The following SELENOF variants were observed in gnomAD, a reference collection of about 807,000 sequenced individuals.
SELENOF encodes the protein 15 kDa selenoprotein.
SELENOF carries 16 observed loss-of-function variants against 20.5 expected under a neutral mutation model. The ratio of observed to expected loss-of-function variants is 0.78; its 90% CI spans 0.53 to 1.19. The LOEUF is 1.19. Among genes scored for constraint, SELENOF ranks in the 50% most tolerant of loss-of-function variants. The pLI is 0.00. For synonymous variants in SELENOF, 78 were observed against 74.5 expected (o/e 1.05, Z -0.24); for missense variants, 215 against 194.2 (o/e 1.11, Z -0.64).
At chr1:86,895,673 CA>C (rs1181710216) in intron 2 of SELENOF, among the ~76,000 whole-genome samples, 4 of 152,072 alleles carry the variant, frequency 2.6e-5, no homozygotes, top group African/African-American at 9.7e-5. Flanking sequence ...CAAAACTGAA[CA>C]ATAAATTAGG....
chr1:86,863,704 T>C (rs1298417040), intron 4 of SELENOF, 99 bp from the exon 5 acceptor site: 15 of 1,067,544 alleles, frequency 1.4e-5, no homozygotes, highest in Admixed American at 3.3e-5. Context: ...AATTTAGTAA[T>C]TAAAAAAAGG....
At chr1:86,905,476 A>G (rs1415782594) in intron 1 of SELENOF, among the ~76,000 whole-genome samples, 1 of 152,184 alleles carries the variant, frequency 6.6e-6, no homozygotes, top group African/African-American at 2.4e-5. Flanking sequence ...CTGACCAAAA[A>G]AATCAGATCT....
intron 2 of SELENOF, 105 bp downstream of exon 2, chr1:86,903,176 T>C: frequency 1.0e-6 from 1 of 1,002,542 alleles, no homozygotes. Context: ...CTAAAAAATG[T>C]AAAAGCTTAG....
chr1:86,900,231 G>A (rs899045706), intron 2 of SELENOF, among the ~76,000 whole-genome samples: 2 of 151,992 alleles, frequency 1.3e-5, no homozygotes, highest in Non-Finnish European at 2.9e-5. Context: ...GGAGGCCAAG[G>A]CAGGCGGCTG....
Position 86,863,167 on chromosome 1 carries a change from T to C in SELENOF, c.*307A>G, listed in dbSNP as rs1658500296. On this transcript the variant is annotated 3_prime_UTR_variant, in exon 5 of 5. Coordinates refer to ENST00000331835, the MANE Select transcript of SELENOF (RefSeq NM_004261.5). ...ACCTCTCTAATTTAGAAATCTGTTGTTCGTAAAACTGGACCAATTATCACA... is the reference window on the plus strand; with the variant it reads ...ACCTCTCTAATTTAGAAATCTGTTGCTCGTAAAACTGGACCAATTATCACA... 4.3e-6 allele frequency: 1 copy of C among 230,006 alleles called. No individual in the cohort carries two copies. The highest frequency in any genetic ancestry group is 8.5e-6 in the Non-Finnish European group (1 of 117,814). 14.2% of individuals were successfully genotyped at this position (230,006 alleles called of 1,614,324 possible).
intron 2 of SELENOF, among the ~76,000 whole-genome samples, chr1:86,883,038 A>T (rs935928690): frequency 6.6e-6 from 1 of 151,864 alleles, no homozygotes; most frequent in African/African-American, 2.4e-5. Context: ...AGGCAGGAGA[A>T]TTGTTTGAAC....
chr1:86,889,186 C>T (rs1008502956), intron 2 of SELENOF, among the ~76,000 whole-genome samples: 2 of 152,106 alleles, frequency 1.3e-5, no homozygotes, highest in African/African-American at 2.4e-5. Context: ...TTTTGCTTTA[C>T]TCTGTCAATA....
At chr1:86,877,618 T>C (rs1658956414) in intron 3 of SELENOF, among the ~76,000 whole-genome samples, 1 of 152,218 alleles carries the variant, frequency 6.6e-6, no homozygotes, top group African/African-American at 2.4e-5. Context: ...TTCGGAGCAT[T>C]CTAGATTTAA....
intron 3 of SELENOF, among the ~76,000 whole-genome samples, chr1:86,871,762 ATGG>A (rs1239865927): frequency 2.6e-5 from 4 of 152,214 alleles, no homozygotes; most frequent in Non-Finnish European, 1.5e-5. Flanking sequence ...CAAAATAACG[ATGG>A]TGAATTTTAA....
At chr1:86,898,552 T>C (rs1659584924) in intron 2 of SELENOF, among the ~76,000 whole-genome samples, 1 of 151,762 alleles carries the variant, frequency 6.6e-6, no homozygotes, top group Non-Finnish European at 1.5e-5. Flanking sequence ...GCTAAAGCAT[T>C]CTATATAAAC....
intron 1 of SELENOF, among the ~76,000 whole-genome samples, chr1:86,908,566 A>G (rs141411264): frequency 2.3e-3 from 349 of 152,358 alleles, no homozygotes; most frequent in Middle Eastern, 0.014. Context: ...ACTGACTACC[A>G]TATTTCACAG....
At chr1:86,897,951 T>A (rs750788707) in intron 2 of SELENOF, among the ~76,000 whole-genome samples, 1 of 152,200 alleles carries the variant, frequency 6.6e-6, no homozygotes, top group Admixed American at 6.5e-5. Context: ...ACAAGATCAA[T>A]GGGAAGAGTT....
intron 2 of SELENOF, among the ~76,000 whole-genome samples, chr1:86,900,587 GGA>G (rs1217472636): frequency 6.6e-6 from 1 of 151,808 alleles, no homozygotes; most frequent in African/African-American, 2.4e-5. Context: ...GGAAAGAGAG[GGA>G]GAGGGAGACC....
At chr1:86,913,609 G>T (rs1335149057) in intron 1 of SELENOF, among the ~76,000 whole-genome samples, 1 of 152,166 alleles carries the variant, frequency 6.6e-6, no homozygotes, top group Non-Finnish European at 1.5e-5. Flanking sequence ...CGCGAGAGAG[G>T]TAAACACAAA....
At chr1:86,887,772 A>C (rs915869058) in intron 2 of SELENOF, among the ~76,000 whole-genome samples, 1 of 152,198 alleles carries the variant, frequency 6.6e-6, no homozygotes, top group Non-Finnish European at 1.5e-5. Context: ...TAGGAAAAAA[A>C]ATACATCCCC....
chr1:86,895,609 A>T (rs1204525683), intron 2 of SELENOF, among the ~76,000 whole-genome samples: 1 of 152,248 alleles, frequency 6.6e-6, no homozygotes, highest in Non-Finnish European at 1.5e-5. Context: ...GAATCTAGAC[A>T]GTCTGGTTCT....
chr1:86,904,051 G>GTT (rs1659770828), intron 1 of SELENOF, among the ~76,000 whole-genome samples: 1 of 152,064 alleles, frequency 6.6e-6, no homozygotes, highest in Admixed American at 6.6e-5. Flanking sequence ...TTTTCTTAAA[G>GTT]ATTTATTGTT....
chr1:86,903,606 A>AT (rs894365010), intron 1 of SELENOF, among the ~76,000 whole-genome samples, 158 bp from the exon 2 acceptor site: 19 of 151,526 alleles, frequency 1.3e-4, no homozygotes, highest in Admixed American at 5.3e-4. Flanking sequence ...ATTTAATTTT[A>AT]TTTTTTTTTG....
intron 4 of SELENOF, among the ~76,000 whole-genome samples, chr1:86,864,412 A>G (rs1418096902): frequency 6.6e-6 from 1 of 152,216 alleles, no homozygotes; most frequent in Non-Finnish European, 1.5e-5. Context: ...CTAACAATGT[A>G]GTTATGTAGT....
Sources: gnomAD v4.1 joint callset for allele counts (sites outside exome capture counted in the v4.1 genomes callset) on GRCh38, gnomAD v4.1.1 for gene constraint, MANE v1.5 for transcripts, NCBI Gene and HGNC (gene_info 2026-07-23, HGNC 2026-07-21) for gene names.